The following CHD4 variants were observed in gnomAD, a reference collection of about 807,000 sequenced individuals.
The protein encoded by CHD4 is chromodomain helicase DNA binding protein 4, also known as ATP-dependent chromatin remodeler CHD4.
Under a neutral mutation model 235.5 loss-of-function variants are expected in CHD4, and 35 were observed. The observed-to-expected ratio is 0.15, with a 90% CI of 0.11 to 0.20. The LOEUF (loss-of-function observed/expected upper bound fraction) is 0.20, where lower values mean the gene tolerates loss of function less well. Ranked by LOEUF, CHD4 falls within the 10% of genes least tolerant of loss-of-function variation. The probability of loss-of-function intolerance (pLI) is 1.00; values close to 1 mark genes in which losing one functional copy is unlikely to be tolerated. For missense variants in CHD4, 1,329 were observed against 2,432.3 expected, an observed-to-expected ratio of 0.55 and a Z score of 9.54; for synonymous variants, 900 against 850.2, an observed-to-expected ratio of 1.06 and a Z score of -1.02.
At chr12:6,576,282 G>A (rs573417503) in intron 37 of CHD4, among the ~76,000 whole-genome samples, 5 of 152,172 alleles carry the variant, frequency 3.3e-5, no homozygotes, top group East Asian at 1.9e-4. Context: ...GCTTGAACCC[G>A]GGAGGCAGAG....
In CHD4 at chr12:6,578,129, A is replaced by T; in HGVS notation, c.5128T>A (p.Ser1710Thr). ...IADGGFTELH[S>T]LWQNEERAAT... ...GCCCGCTCTTCATTCTGCCAAAGGG[A>T]GTGCAACTCTGAGGAGGAATTTAGG... Residue 1710 changes from serine (S) to threonine (T), a missense_variant, in exon 36 of 40, where the codon TCC becomes ACC. Physicochemically the swap from Ser to Thr is moderately conservative, Grantham distance 58 (BLOSUM62 1). Around this residue, in one of 26 missense-constraint regions of CHD4, gnomAD observed 135 missense variants for 282.3 expected, o/e 0.48. Coordinates refer to ENST00000544040, the MANE Select transcript of CHD4 (RefSeq NM_001273.5). The T allele has an allele frequency of 6.2e-7, 1 of 1,612,368 alleles. No individual in the cohort carries two copies.
chr12:6,595,372 G>A lies in CHD4; in HGVS notation c.2083C>T (p.Arg695Trp), dbSNP rs1419830123. 19 of 1,613,880 alleles carry A rather than the reference G, an allele frequency of 1.2e-5. No homozygotes were observed. Among genetic ancestry groups the A allele is most frequent in the Non-Finnish European group, 1.5e-5 (18 of 1,179,968 alleles). ...GTTTCTGGAGGCCTCTCCAACTTCC[G>A]AAGCTTCACCTTCTTGAGCTTCTTG... ...PGKKLKKVKL[R>W]KLERPPETPT... Residue 695 changes from arginine to tryptophan, a missense_variant, in exon 14 of 40, where the codon CGG becomes TGG. Physicochemically the swap from Arg to Trp is moderately radical, Grantham distance 101. Transcript: ENST00000544040.
At chr12:6,601,824 C>T (rs1948596468) in intron 4 of CHD4, 58 bp from the exon 5 acceptor site, 2 of 1,571,786 alleles carry the variant, frequency 1.3e-6, no homozygotes, top group Non-Finnish European at 8.8e-7. Context: ...ACTTGCTAAG[C>T]AAATTTGTGT....
chr12:6,591,411 C>A, intron 22 of CHD4, 55 bp downstream of exon 22: 2 of 1,382,692 alleles, frequency 1.4e-6, no homozygotes. Flanking sequence ...AAGTTACAGT[C>A]CAAAGATATA....
chr12:6,601,758 T>C lies in CHD4; in HGVS notation c.447A>G (p.Lys149=). ...AGTCTTCCAGGAGCTGAGCAGATGA[T>C]TTAGGCTCCTGCAGAAAGAGCAAAG... ...EDDDDDSKEP[K]SSAQLLEDWG... Residue 149 remains lysine, a synonymous_variant, in exon 5 of 40, where the codon AAA becomes AAG. Transcript: ENST00000544040. 1 of 1,613,852 alleles carries C rather than the reference T, an allele frequency of 6.2e-7. No individual in the cohort carries two copies. Among genetic ancestry groups the C allele is most frequent in the Non-Finnish European group, 8.5e-7 (1 of 1,179,770 alleles).
intron 30 of CHD4, 32 bp downstream of exon 30, chr12:6,582,105 C>A: frequency 6.6e-7 from 1 of 1,523,000 alleles, no homozygotes; most frequent in South Asian, 1.3e-5. Context: ...GCCTGGCCCC[C>A]TAGAAACAAT....
intron 29 of CHD4, 83 bp downstream of exon 29, chr12:6,582,532 C>G: frequency 6.6e-7 from 1 of 1,517,232 alleles, no homozygotes. Context: ...CTTCCCTGCA[C>G]GGCTAGGCCT....
intron 2 of CHD4, among the ~76,000 whole-genome samples, chr12:6,604,219 G>A (rs1948649860): frequency 6.6e-6 from 1 of 152,146 alleles, no homozygotes; most frequent in South Asian, 2.1e-4. Context: ...AGGTTGCAGT[G>A]AGCCAAGATC....
At chr12:6,587,101 T>G (rs779422768) in intron 25 of CHD4, 4 of 382,386 alleles carry the variant, frequency 1.0e-5, no homozygotes, top group Non-Finnish European at 1.9e-5. Flanking sequence ...AAAATTTCAT[T>G]TGTAAGGTTT....
intron 10 of CHD4, 46 bp downstream of exon 10, chr12:6,599,724 AAAG>A: frequency 1.2e-6 from 2 of 1,611,810 alleles, no homozygotes; most frequent in Non-Finnish European, 1.7e-6. Flanking sequence ...CCTACATAGA[AAAG>A]ACTACACTTT....
intron 2 of CHD4, among the ~76,000 whole-genome samples, chr12:6,605,760 C>T (rs1456464514): frequency 6.6e-6 from 1 of 152,200 alleles, no homozygotes; most frequent in East Asian, 1.9e-4. Context: ...GCGATTCAAA[C>T]TTCACACAGT....
intron 13 of CHD4, 106 bp downstream of exon 13, chr12:6,595,900 G>A: frequency 7.8e-7 from 1 of 1,283,610 alleles, no homozygotes; most frequent in East Asian, 2.5e-5. Context: ...GGAGGTTGCA[G>A]TGAGTCAAGA....
intron 37 of CHD4, among the ~76,000 whole-genome samples, chr12:6,576,130 G>A (rs1345196201): frequency 4.0e-5 from 6 of 151,774 alleles, no homozygotes; most frequent in Admixed American, 1.3e-4. Context: ...AGTCCGAGGC[G>A]GGCAGAACAT....
intron 22 of CHD4, among the ~76,000 whole-genome samples, chr12:6,589,733 C>T (rs1948358484): frequency 6.6e-6 from 1 of 151,280 alleles, no homozygotes; most frequent in African/African-American, 2.4e-5. Context: ...GGCCACTGCA[C>T]TCCAGCCTGG....
chr12:6,592,322 G>C, intron 19 of CHD4, 71 bp downstream of exon 19: 1 of 1,507,642 alleles, frequency 6.6e-7, no homozygotes, highest in Non-Finnish European at 8.9e-7. Context: ...GCTGAGTGGG[G>C]GAGGAATAGG....
chr12:6,580,985 G>C (rs190390944), intron 33 of CHD4, 59 bp downstream of exon 33: 1 of 1,585,460 alleles, frequency 6.3e-7, no homozygotes, highest in East Asian at 2.2e-5. Context: ...CCAGCCTGGC[G>C]GCAGCACTAC....
At chr12:6,603,017 C>A (rs972960330) in intron 2 of CHD4, 1 of 152,630 alleles carries the variant, frequency 6.6e-6, no homozygotes, top group African/African-American at 2.4e-5. Flanking sequence ...TTAACCAGAA[C>A]CTCCAAGTCC....
At chr12:6,588,681 G>A (rs1280461590) in intron 22 of CHD4, among the ~76,000 whole-genome samples, 1 of 152,014 alleles carries the variant, frequency 6.6e-6, no homozygotes, top group Non-Finnish European at 1.5e-5. Flanking sequence ...AGGAGACTGA[G>A]GCAGGAGAAC....
At position 6,570,649 on chromosome 12, in the gene CHD4, C is replaced by T. The variant is rs753811207; in HGVS notation, c.*27G>A. On this transcript the variant is annotated 3_prime_UTR_variant, in exon 40 of 40. Coordinates refer to ENST00000544040, the MANE Select transcript of CHD4 (RefSeq NM_001273.5). ...GAAAGTGAGGAAGGTCACTGCTCAGCGGTGGAGGTGGTATCAGTCTGCATC... is the reference window on the plus strand; with the variant it reads ...GAAAGTGAGGAAGGTCACTGCTCAGTGGTGGAGGTGGTATCAGTCTGCATC... 47 of 1,613,846 alleles carry T rather than the reference C, an allele frequency of 2.9e-5. No individual in the cohort carries two copies. The South Asian group carries it at 3.6e-4, about 12-fold the overall frequency.
Sources: allele counts gnomAD v4.1 joint callset (sites outside exome capture counted in the v4.1 genomes callset), GRCh38; gene constraint gnomAD v4.1.1; regional missense constraint gnomAD v4.1.1; transcripts MANE v1.5; gene names NCBI Gene and HGNC (gene_info 2026-07-23, HGNC 2026-07-21).